The following ACKR3 variants were observed in gnomAD, a reference collection of about 807,000 sequenced individuals.
ACKR3 encodes the protein atypical chemokine receptor 3.
In ACKR3, 6 loss-of-function variants were observed where a neutral mutation model predicts 22.4. That is an observed-to-expected ratio of 0.27 (90% CI 0.15 to 0.53). The LOEUF (loss-of-function observed/expected upper bound fraction) is 0.53, where lower values mean the gene tolerates loss of function less well. ACKR3 is among the 20% of genes least tolerant of loss of function. The probability of loss-of-function intolerance (pLI) is 0.96; values close to 1 mark genes in which losing one functional copy is unlikely to be tolerated. For missense variants in ACKR3, 396 were observed against 475.2 expected, an observed-to-expected ratio of 0.83 and a Z score of 1.55; for synonymous variants, 209 against 205.2, an observed-to-expected ratio of 1.02 and a Z score of -0.16.
At chr2:236,575,257 T>C (rs951930339) in intron 1 of ACKR3, among the ~76,000 whole-genome samples, 2 of 152,170 alleles carry the variant, frequency 1.3e-5, no homozygotes, top group Non-Finnish European at 2.9e-5. Context: ...TGTTCCCTCC[T>C]CCTACCTTCC....
chr2:236,541,103 T>G, the ACKR3 span, among the ~76,000 whole-genome samples: 1 of 152,190 alleles, frequency 6.6e-6, no homozygotes, highest in Non-Finnish European at 1.5e-5. Flanking sequence ...TGACTGGCTA[T>G]CCTTACCTGA....
At chr2:236,552,768 A>T in the ACKR3 span, among the ~76,000 whole-genome samples, 1 of 151,740 alleles carries the variant, frequency 6.6e-6, no homozygotes, top group African/African-American at 2.4e-5. Flanking sequence ...CAAGGGAGGG[A>T]GGGACCCAGG....
chr2:236,578,920 T>C (rs547515959), intron 1 of ACKR3, among the ~76,000 whole-genome samples: 1 of 152,338 alleles, frequency 6.6e-6, no homozygotes, highest in East Asian at 1.9e-4. Context: ...TCTTTCTTCC[T>C]GGCCAGGGAG....
At chr2:236,563,270 A>G (rs1235229600), upstream of ACKR3, among the ~76,000 whole-genome samples, 1 of 152,200 alleles carries the variant, frequency 6.6e-6, no homozygotes, top group Non-Finnish European at 1.5e-5. Flanking sequence ...ACCTGACTTT[A>G]TTCATTTAGT....
At chr2:236,552,808 G>C in the ACKR3 span, among the ~76,000 whole-genome samples, 16 of 152,168 alleles carry the variant, frequency 1.1e-4, no homozygotes, top group African/African-American at 3.9e-4. Flanking sequence ...CCGAGAAGTA[G>C]GGTCATAGGA....
the ACKR3 span, among the ~76,000 whole-genome samples, chr2:236,560,360 A>G: frequency 1.8e-5 from 2 of 112,968 alleles, no homozygotes; most frequent in African/African-American, 7.0e-5. Flanking sequence ...GATAGGTGTG[A>G]GGTGATATTT....
chr2:236,537,595 C>A, the ACKR3 span, among the ~76,000 whole-genome samples: 2 of 152,224 alleles, frequency 1.3e-5, no homozygotes, highest in Non-Finnish European at 2.9e-5. Context: ...CCTTGGATAT[C>A]TCTGTACACA....
chr2:236,564,476 G>A (rs142898437), upstream of ACKR3, among the ~76,000 whole-genome samples: 534 of 152,250 alleles, frequency 3.5e-3, 5 homozygotes, highest in African/African-American at 0.012. Flanking sequence ...CTTCTATCTG[G>A]CAACAGGGGC....
the ACKR3 span, among the ~76,000 whole-genome samples, chr2:236,540,134 T>C: frequency 6.6e-6 from 1 of 152,248 alleles, no homozygotes; most frequent in Non-Finnish European, 1.5e-5. Flanking sequence ...TGTACCATTT[T>C]ACACTGTGGC....
At position 236,581,740 on chromosome 2, in the gene ACKR3, G is replaced by A. The variant is rs191607547; in HGVS notation, c.*186G>A. The A allele has an allele frequency of 5.3e-4, 404 of 762,400 alleles. 1 individual carries two copies. The East Asian group carries it at 8.9e-3, about 17-fold the overall frequency. The allele number at this position is 762,400 out of a possible 1,614,324, so 47.2% of individuals were successfully genotyped here. A position where few individuals can be genotyped will look rare whatever the true frequency, so the allele number is the denominator to read the frequency against. On this transcript the variant is annotated 3_prime_UTR_variant, in exon 2 of 2. Coordinates refer to ENST00000272928, the MANE Select transcript of ACKR3 (RefSeq NM_020311.3). The surrounding 1 kb of genome is among the most constrained non-coding windows in gnomAD (Gnocchi z 4.4). ...TGACGCAGCTGTCATTTGGCTGTGCGTGCTGACAGTTTTGCAACAGGCAGA... is the reference window on the plus strand; with the variant it reads ...TGACGCAGCTGTCATTTGGCTGTGCATGCTGACAGTTTTGCAACAGGCAGA...
rs1353688868 is a variant in ACKR3 at position 236,577,125 on chromosome 2, A to G, written c.-26-3315A>G. On this transcript the variant is annotated intron_variant, in intron 1 of 1. Coordinates refer to ENST00000272928, the MANE Select transcript of ACKR3 (RefSeq NM_020311.3). The surrounding 1 kb of genome is among the most constrained non-coding windows in gnomAD (Gnocchi z 5.6). ...TGTTCCTTGGGCTGACTGGTGGTTA[A>G]TGATTGAGGATCGGTGATCGGTGAG... 6.6e-6 allele frequency among the ~76,000 whole-genome samples: 1 copy of G among 152,010 alleles called. No individual in the cohort carries two copies. Among genetic ancestry groups the G allele is most frequent in the East Asian group, 1.9e-4 (1 of 5,136 alleles).
rs1013547952 is a variant in ACKR3 at position 236,574,101 on chromosome 2, G to A, written c.-27+4177G>A. Among the ~76,000 whole-genome samples the A allele has an allele frequency of 2.0e-5, 3 of 152,052 alleles. No homozygotes were observed. The highest frequency in any genetic ancestry group is 4.8e-5 in the African/African-American group (2 of 41,386). ...CTGCGTGCCTTCCCAATTAGCCGGC[G>A]GGGTCTCGGGGGTTGGGGGGAGATG... On this transcript the variant is annotated intron_variant, in intron 1 of 1. Coordinates refer to ENST00000272928, the MANE Select transcript of ACKR3 (RefSeq NM_020311.3). The surrounding 1 kb of genome is among the most constrained non-coding windows in gnomAD (Gnocchi z 5.6).
chr2:236,569,093 A>T (rs890654083), upstream of ACKR3, among the ~76,000 whole-genome samples: 1 of 152,236 alleles, frequency 6.6e-6, no homozygotes, highest in African/African-American at 2.4e-5. Context: ...TAATTGTAGT[A>T]AAGTGTTTGC....
chr2:236,543,732 C>T, the ACKR3 span, among the ~76,000 whole-genome samples: 2 of 151,784 alleles, frequency 1.3e-5, no homozygotes, highest in African/African-American at 2.4e-5. Context: ...TGGATGGTCA[C>T]TTGTATTATC....
At chr2:236,580,112 T>C (rs1033020928) in intron 1 of ACKR3, among the ~76,000 whole-genome samples, 9 of 152,300 alleles carry the variant, frequency 5.9e-5, no homozygotes, top group African/African-American at 1.9e-4. Context: ...TGACGTTTCT[T>C]TGGCCCCTGT....
intron 1 of ACKR3, among the ~76,000 whole-genome samples, chr2:236,578,447 C>G (rs556448003): frequency 2.6e-5 from 4 of 152,328 alleles, no homozygotes; most frequent in African/African-American, 9.6e-5. Context: ...TGAGGACGGC[C>G]AGGCCTCCCG....
the ACKR3 span, among the ~76,000 whole-genome samples, chr2:236,550,316 T>C: frequency 3.3e-5 from 5 of 152,114 alleles, no homozygotes; most frequent in African/African-American, 1.2e-4. The surrounding 1 kb of genome is among the most constrained non-coding windows in gnomAD (Gnocchi z 4.6). Flanking sequence ...ATGTTGGGGG[T>C]GGCAGGGTAC....
At chr2:236,558,306 C>T in the ACKR3 span, among the ~76,000 whole-genome samples, 2 of 152,228 alleles carry the variant, frequency 1.3e-5, no homozygotes, top group East Asian at 3.9e-4. Context: ...AATGAAGGGG[C>T]GGGTCATTCA....
At chr2:236,552,342 A>G in the ACKR3 span, among the ~76,000 whole-genome samples, 1 of 152,190 alleles carries the variant, frequency 6.6e-6, no homozygotes, top group African/African-American at 2.4e-5. Context: ...AAGTTCATTC[A>G]ACTACTTTCT....
Sources: gnomAD v4.1 joint callset for allele counts (sites outside exome capture counted in the v4.1 genomes callset) on GRCh38, gnomAD v4.1.1 for gene constraint, Gnocchi (gnomAD v3.1) non-coding constraint, MANE v1.5 for transcripts, NCBI Gene and HGNC (gene_info 2026-07-23, HGNC 2026-07-21) for gene names.